Variants in RUNX1 observed in about 807,000 individuals in gnomAD.
RUNX1 encodes the protein runt-related transcription factor 1.
A neutral mutation model predicts 42.8 loss-of-function variants in RUNX1; 19 were observed. The observed-to-expected ratio is 0.44, with a 90% CI of 0.31 to 0.65. The LOEUF (loss-of-function observed/expected upper bound fraction) is 0.65, where lower values mean the gene tolerates loss of function less well. Among genes scored for constraint, RUNX1 ranks in the 30% least tolerant of loss-of-function variants. The pLI, the probability that RUNX1 is intolerant of heterozygous loss-of-function variation, is 0.07. For synonymous variants in RUNX1, 271 were observed against 289.4 expected (o/e 0.94, Z 0.64); for missense variants, 528 against 672.0 (o/e 0.79, Z 2.37).
intron 6 of RUNX1, among the ~76,000 whole-genome samples, chr21:34,846,446 T>C (rs1213108164): frequency 2.0e-5 from 3 of 152,000 alleles, no homozygotes; most frequent in Admixed American, 6.6e-5. Context: ...GGTTAGAAGA[T>C]GGTGCTTTGA....
chr21:34,913,583 T>G (rs2058289437), intron 2 of RUNX1, among the ~76,000 whole-genome samples: 1 of 152,160 alleles, frequency 6.6e-6, no homozygotes, highest in South Asian at 2.1e-4. Context: ...CACACTAATT[T>G]CAGTTGAGAC....
At position 35,030,386 on chromosome 21, in the gene RUNX1, T is replaced by G. The variant is rs149757397; in HGVS notation, c.58+18456A>C. 3.9e-5 allele frequency among the ~76,000 whole-genome samples: 6 copies of G among 152,084 alleles called. No individual in the cohort carries two copies. In the East Asian group the frequency reaches 9.7e-4, roughly 25 times the overall value. On this transcript the variant is annotated intron_variant, in intron 2 of 8. Coordinates refer to ENST00000675419, the MANE Select transcript of RUNX1 (RefSeq NM_001754.5). ...AAAAAACCACTGGTGTAAGATATTT[T>G]AAGGTGACAAGCATGGAGAAGAAGA...
intron 3 of RUNX1, among the ~76,000 whole-genome samples, chr21:34,890,695 AT>A (rs533308756): frequency 6.6e-6 from 1 of 152,078 alleles, no homozygotes; most frequent in Non-Finnish European, 1.5e-5. Context: ...TTTTAAAATG[AT>A]TTTTTTAAGC....
intron 6 of RUNX1, among the ~76,000 whole-genome samples, chr21:34,854,585 A>C (rs2057470616): frequency 6.8e-6 from 1 of 146,670 alleles, no homozygotes; most frequent in Non-Finnish European, 1.5e-5. Context: ...ATTTCACCTC[A>C]AAAAAAAAAG....
At chr21:34,929,129 T>C (rs1282344706) in intron 2 of RUNX1, among the ~76,000 whole-genome samples, 2 of 152,166 alleles carry the variant, frequency 1.3e-5, no homozygotes, top group South Asian at 2.1e-4. Flanking sequence ...GAGAAGCAGA[T>C]TACCTTTCAA....
chr21:35,011,632 C>G (rs189284778), intron 2 of RUNX1, among the ~76,000 whole-genome samples: 6 of 152,330 alleles, frequency 3.9e-5, no homozygotes, highest in African/African-American at 1.4e-4. Flanking sequence ...TGCCTGTGGA[C>G]AAGAGCTCTG....
chr21:34,860,444 G>C (rs1276311002), intron 5 of RUNX1, among the ~76,000 whole-genome samples: 1 of 152,092 alleles, frequency 6.6e-6, no homozygotes, highest in Non-Finnish European at 1.5e-5. Context: ...ACCTTAGAGA[G>C]TTTTAGGGGA....
chr21:34,985,867 CTTTTTTT>C (rs33913281), intron 2 of RUNX1, among the ~76,000 whole-genome samples: 1 of 75,466 alleles, frequency 1.3e-5, no homozygotes, highest in South Asian at 5.2e-4. Flanking sequence ...TCTGACCAGA[CTTTTTTT>C]TTTTTTTTTT....
chr21:34,987,559 C>G (rs112565325), intron 2 of RUNX1, among the ~76,000 whole-genome samples: 24 of 152,288 alleles, frequency 1.6e-4, no homozygotes, highest in Admixed American at 6.5e-4. Flanking sequence ...CACCACTGTC[C>G]TTTTCACGCA....
At chr21:34,798,537 G>A (rs1039505200) in intron 8 of RUNX1, among the ~76,000 whole-genome samples, 30 of 151,982 alleles carry the variant, frequency 2.0e-4, no homozygotes, top group African/African-American at 7.0e-4. Flanking sequence ...GTCTAATTTG[G>A]GGTATACAGT....
intron 2 of RUNX1, among the ~76,000 whole-genome samples, chr21:34,972,545 G>A (rs2058770648): frequency 6.6e-6 from 1 of 152,144 alleles, no homozygotes; most frequent in African/African-American, 2.4e-5. Flanking sequence ...TTTGTCAAAT[G>A]AATCATATGT....
At chr21:35,032,730 C>T (rs746554991) in intron 2 of RUNX1, among the ~76,000 whole-genome samples, 27 of 152,220 alleles carry the variant, frequency 1.8e-4, no homozygotes, top group Non-Finnish European at 3.8e-4. Context: ...GAACCACCTC[C>T]ATGTTGCCTG....
At chr21:34,953,918 A>G (rs2058626762) in intron 2 of RUNX1, among the ~76,000 whole-genome samples, 1 of 152,254 alleles carries the variant, frequency 6.6e-6, no homozygotes, top group Non-Finnish European at 1.5e-5. Context: ...CAGAAAACTC[A>G]GTAAGCAAAA....
chr21:34,886,600 T>C lies in RUNX1; in HGVS notation c.351+243A>G, dbSNP rs549853405. Among the ~76,000 whole-genome samples the C allele has an allele frequency of 2.6e-5, 4 of 152,358 alleles. No homozygotes were observed. The East Asian group carries it at 5.8e-4, about 22-fold the overall frequency. On this transcript the variant is annotated intron_variant, in intron 4 of 8. Transcript: ENST00000675419. ...CCCGACCGGCTCCCAGTGGATATCT[T>C]TGGGGACACCCTGATGTTTTCAGCC...
chr21:34,834,552 A>G lies in RUNX1; in HGVS notation c.663T>C (p.Phe221=). The change falls in exon 7 of 9, where the codon TTT becomes TTC. Residue 221 remains phenylalanine (F), a synonymous_variant. Coordinates refer to ENST00000675419, the MANE Select transcript of RUNX1 (RefSeq NM_001754.5). The stretch of plus-strand genomic sequence containing the variant: ...GCTCCAGTTCACTGAGCCGCTCGGA[A>G]AAGGACAAGCTCCCGGGCTTGGTCT... ...DDQTKPGSLS[F]SERLSELEQL... The G allele has an allele frequency of 6.2e-7, 1 of 1,612,802 alleles. No homozygotes were observed. Among genetic ancestry groups the G allele is most frequent in the Non-Finnish European group, 8.5e-7 (1 of 1,179,958 alleles).
At chr21:34,890,432 G>C (rs992809767) in intron 3 of RUNX1, among the ~76,000 whole-genome samples, 1 of 152,270 alleles carries the variant, frequency 6.6e-6, no homozygotes, top group Non-Finnish European at 1.5e-5. Flanking sequence ...CGGCCAGGTG[G>C]GGACTCTCGG....
chr21:34,891,562 C>T (rs972496974), intron 3 of RUNX1, among the ~76,000 whole-genome samples: 10 of 152,140 alleles, frequency 6.6e-5, no homozygotes, highest in Admixed American at 6.5e-4. Flanking sequence ...TGAGGAATTC[C>T]TTTCCACCAA....
At chr21:34,899,097 A>G (rs2058154730) in intron 2 of RUNX1, among the ~76,000 whole-genome samples, 2 of 152,002 alleles carry the variant, frequency 1.3e-5, no homozygotes, top group South Asian at 2.1e-4. Flanking sequence ...TATTTTTTGT[A>G]AAGATGGGGT....
chr21:34,917,509 A>G (rs1260792672), intron 2 of RUNX1, among the ~76,000 whole-genome samples: 1 of 152,254 alleles, frequency 6.6e-6, no homozygotes, highest in African/African-American at 2.4e-5. Context: ...AGTAAGAGAA[A>G]TGCTGACCAG....
Sources: allele counts gnomAD v4.1 joint callset (sites outside exome capture counted in the v4.1 genomes callset), GRCh38; gene constraint gnomAD v4.1.1; transcripts MANE v1.5; gene names NCBI Gene and HGNC (gene_info 2026-07-23, HGNC 2026-07-21).